GRID1: variants seen among roughly 807,000 people sequenced by gnomAD.
GRID1 encodes the protein glutamate receptor ionotropic, delta-1.
A neutral mutation model predicts 98.0 loss-of-function variants in GRID1; 28 were observed. The ratio of observed to expected loss-of-function variants is 0.29; its 90% CI spans 0.21 to 0.39. The LOEUF is 0.39. GRID1 is among the 10% of genes least tolerant of loss of function. The pLI is 1.00. For missense variants in GRID1, 1,111 were observed against 1,340.5 expected (o/e 0.83, Z 2.67); for synonymous variants, 553 against 538.5 (o/e 1.03, Z -0.37).
chr10:85,938,392 A>T (rs115514805), intron 4 of GRID1, among the ~76,000 whole-genome samples: 246 of 152,276 alleles, frequency 1.6e-3, no homozygotes, highest in African/African-American at 5.4e-3. Flanking sequence ...CCAATTTTTC[A>T]TCTTATATAT....
chr10:85,881,839 C>G (rs1841031845), intron 5 of GRID1, among the ~76,000 whole-genome samples: 2 of 152,068 alleles, frequency 1.3e-5, no homozygotes, highest in South Asian at 4.1e-4. Context: ...GAACAGGCAA[C>G]CTACAGAATG....
intron 5 of GRID1, among the ~76,000 whole-genome samples, chr10:85,881,428 A>G (rs942107481): frequency 6.6e-6 from 1 of 152,214 alleles, no homozygotes; most frequent in Non-Finnish European, 1.5e-5. Context: ...AAACAGAGAT[A>G]GCGATCAATG....
intron 12 of GRID1, among the ~76,000 whole-genome samples, chr10:85,703,954 G>A (rs1231340554): frequency 6.6e-6 from 1 of 152,030 alleles, no homozygotes; most frequent in Non-Finnish European, 1.5e-5. Context: ...GCATTTGCTT[G>A]TCTGTAAAGT....
At chr10:86,264,943 G>C (rs1847081452) in intron 2 of GRID1, among the ~76,000 whole-genome samples, 1 of 152,144 alleles carries the variant, frequency 6.6e-6, no homozygotes, top group African/African-American at 2.4e-5. Context: ...TCTGAACATA[G>C]CTATCTGCCA....
In GRID1 at chr10:85,723,271, G is replaced by A; in HGVS notation, c.1859-130C>T. On this transcript the variant is annotated intron_variant, in intron 11 of 15. Transcript: ENST00000327946. ...ATGGGCTGGAACCAGGGAGGTGACT[G>A]TCAGCTGGGTCTGGGCATCTGTGCC... is the stretch of plus-strand genomic sequence containing the variant. 9.4e-6 allele frequency: 8 copies of A among 853,676 alleles called. No homozygotes were observed. The South Asian group carries it at 1.9e-4, about 21-fold the overall frequency. 52.9% of individuals were successfully genotyped at this position (853,676 alleles called of 1,614,324 possible).
intron 12 of GRID1, among the ~76,000 whole-genome samples, chr10:85,705,578 A>C (rs1226399642): frequency 6.6e-6 from 1 of 152,226 alleles, no homozygotes; most frequent in Non-Finnish European, 1.5e-5. Flanking sequence ...AACCAATAGA[A>C]AAGGAGGGAA....
intron 2 of GRID1, among the ~76,000 whole-genome samples, chr10:86,338,681 C>A (rs1175891474): frequency 6.6e-6 from 1 of 152,146 alleles, no homozygotes; most frequent in Non-Finnish European, 1.5e-5. Context: ...CCTCAGCCTC[C>A]CGAGTAGCTG....
At chr10:85,919,600 G>A (rs921534262) in intron 4 of GRID1, among the ~76,000 whole-genome samples, 3 of 152,188 alleles carry the variant, frequency 2.0e-5, no homozygotes, top group African/African-American at 7.2e-5. Context: ...AGTGGGCAAT[G>A]TCCCTCCCAG....
At chr10:85,943,977 C>A (rs1158149420) in intron 4 of GRID1, among the ~76,000 whole-genome samples, 1 of 152,204 alleles carries the variant, frequency 6.6e-6, no homozygotes, top group Non-Finnish European at 1.5e-5. Flanking sequence ...GGGGCTTGTC[C>A]TATCTTGCTG....
chr10:85,628,608 G>C (rs1382246700), intron 13 of GRID1, among the ~76,000 whole-genome samples: 3 of 152,176 alleles, frequency 2.0e-5, no homozygotes, highest in Non-Finnish European at 4.4e-5. Flanking sequence ...CTGTGAGGCA[G>C]ACCATTGGTG....
intron 8 of GRID1, among the ~76,000 whole-genome samples, chr10:85,747,119 G>C (rs1842004662): frequency 6.6e-6 from 1 of 152,118 alleles, no homozygotes; most frequent in African/African-American, 2.4e-5. Context: ...CTGGTGGAGA[G>C]ACTTGAGGCT....
intron 2 of GRID1, among the ~76,000 whole-genome samples, chr10:86,261,947 C>T (rs928594037): frequency 6.6e-6 from 1 of 152,236 alleles, no homozygotes; most frequent in African/African-American, 2.4e-5. Context: ...GTGTGCCAGA[C>T]ATCAGCCCAG....
At chr10:86,336,568 C>G (rs1253160645) in intron 2 of GRID1, among the ~76,000 whole-genome samples, 2 of 152,220 alleles carry the variant, frequency 1.3e-5, no homozygotes, top group East Asian at 3.9e-4. Flanking sequence ...CCGGTCCACA[C>G]CTCCCCATAC....
intron 3 of GRID1, among the ~76,000 whole-genome samples, chr10:86,201,800 A>G (rs1845956752): frequency 6.6e-6 from 1 of 152,166 alleles, no homozygotes; most frequent in African/African-American, 2.4e-5. Flanking sequence ...ATGCTTAGAT[A>G]CAACTTGGCA....
chr10:86,216,678 G>A (rs1846181693), intron 2 of GRID1, among the ~76,000 whole-genome samples: 1 of 152,184 alleles, frequency 6.6e-6, no homozygotes. Flanking sequence ...TCCTGGGGCT[G>A]GCAAAGGAAG....
At chr10:86,190,065 C>T (rs1373232275) in intron 3 of GRID1, among the ~76,000 whole-genome samples, 1 of 152,176 alleles carries the variant, frequency 6.6e-6, no homozygotes, top group Non-Finnish European at 1.5e-5. Context: ...CGCATGCCTT[C>T]CGTGACTCGG....
intron 12 of GRID1, among the ~76,000 whole-genome samples, chr10:85,685,911 T>C (rs536845726): frequency 3.9e-5 from 6 of 152,148 alleles, no homozygotes; most frequent in Admixed American, 1.3e-4. Context: ...GTGCAAGACC[T>C]TTATTGAAAA....
At chr10:85,853,266 A>G (rs1289424654) in intron 8 of GRID1, among the ~76,000 whole-genome samples, 1 of 152,114 alleles carries the variant, frequency 6.6e-6, no homozygotes, top group Admixed American at 6.5e-5. Context: ...GTACCCCAAC[A>G]TCATTTAGCC....
At chr10:86,196,344 T>C (rs117926569) in intron 3 of GRID1, among the ~76,000 whole-genome samples, 6,744 of 152,140 alleles carry the variant, frequency 0.044, 249 homozygotes, top group South Asian at 0.077. Flanking sequence ...TCCTGGGTAC[T>C]GCGGAGGAGT....
Sources: gnomAD v4.1 joint callset for allele counts (sites outside exome capture counted in the v4.1 genomes callset) on GRCh38, gnomAD v4.1.1 for gene constraint, MANE v1.5 for transcripts, NCBI Gene and HGNC (gene_info 2026-07-23, HGNC 2026-07-21) for gene names.